Variants in ZNF804A observed in about 807,000 individuals in gnomAD.
ZNF804A encodes zinc finger protein 804A.
ZNF804A carries 2 observed loss-of-function variants against 16.5 expected under a neutral mutation model. The ratio of observed to expected loss-of-function variants is 0.12; its 90% CI spans 0.05 to 0.38. The LOEUF is 0.38. Among genes scored for constraint, ZNF804A ranks in the 10% least tolerant of loss-of-function variants. ZNF804A has a pLI of 0.99. For synonymous variants in ZNF804A, 534 were observed against 489.6 expected (o/e 1.09, Z -1.20); for missense variants, 1,473 against 1,390.7 (o/e 1.06, Z -0.94).
At chr2:184,715,071 G>A (rs1037845391) in intron 1 of ZNF804A, among the ~76,000 whole-genome samples, 1 of 152,124 alleles carries the variant, frequency 6.6e-6, no homozygotes, top group Non-Finnish European at 1.5e-5. Context: ...TGTCCCACGA[G>A]AGTAGCCTAA....
intron 1 of ZNF804A, among the ~76,000 whole-genome samples, chr2:184,701,196 A>G (rs1389606928): frequency 6.6e-6 from 1 of 151,928 alleles, no homozygotes; most frequent in South Asian, 2.1e-4. Context: ...ACTGTGATTC[A>G]ACCCTTCTAA....
At chr2:184,727,209 ATTATAAAATACCACATTAACC>A (rs1334556294) in intron 1 of ZNF804A, among the ~76,000 whole-genome samples, 1 of 151,598 alleles carries the variant, frequency 6.6e-6, no homozygotes, top group African/African-American at 2.4e-5. Flanking sequence ...CATCTTGAGC[ATTATAAAATACCACATTAACC>A]TTTCTCACAG....
At chr2:184,781,985 T>C (rs941854697) in intron 1 of ZNF804A, among the ~76,000 whole-genome samples, 2 of 151,798 alleles carry the variant, frequency 1.3e-5, no homozygotes, top group African/African-American at 4.8e-5. Context: ...GGCCATTTCT[T>C]CTTGTATCTT....
chr2:184,676,708 T>C (rs1692441943), intron 1 of ZNF804A, among the ~76,000 whole-genome samples: 1 of 151,770 alleles, frequency 6.6e-6, no homozygotes, highest in African/African-American at 2.4e-5. Context: ...AGTTATATTT[T>C]AATATGACCA....
At chr2:184,677,451 C>T (rs1324742590) in intron 1 of ZNF804A, among the ~76,000 whole-genome samples, 2 of 151,820 alleles carry the variant, frequency 1.3e-5, no homozygotes, top group Non-Finnish European at 2.9e-5. Flanking sequence ...AGACAGTACA[C>T]GGTCATCTGA....
chr2:184,858,826 C>G lies in ZNF804A; in HGVS notation c.112-7543C>G, dbSNP rs1574244653. ...TACTGGCTTGAAGAACTCCCTTTAT[C>G]CATTTTTGTAAGACAAGTCTAATGA... On this transcript the variant is annotated intron_variant, in intron 1 of 3. Transcript: ENST00000302277. Among the ~76,000 whole-genome samples the G allele has an allele frequency of 2.0e-5, 3 of 152,246 alleles. No homozygotes were observed. In the South Asian group the frequency reaches 6.2e-4, roughly 32 times the overall value.
At chr2:184,920,225 C>T (rs1264078064) in intron 2 of ZNF804A, among the ~76,000 whole-genome samples, 3 of 152,166 alleles carry the variant, frequency 2.0e-5, no homozygotes, top group Non-Finnish European at 4.4e-5. Context: ...GTTTTCTTTT[C>T]CTCTGTCAAA....
At chr2:184,742,977 A>C (rs577139350) in intron 1 of ZNF804A, among the ~76,000 whole-genome samples, 15 of 152,048 alleles carry the variant, frequency 9.9e-5, no homozygotes, top group Non-Finnish European at 1.9e-4. Flanking sequence ...CCAGTCTGTC[A>C]ATATTGAGTT....
chr2:184,855,268 G>A (rs148621104), intron 1 of ZNF804A, among the ~76,000 whole-genome samples: 209 of 152,102 alleles, frequency 1.4e-3, no homozygotes, highest in Non-Finnish European at 2.7e-3. Context: ...CAGTGTTTTC[G>A]GGGAGTGAAT....
chr2:184,611,021 A>G (rs908327470), intron 1 of ZNF804A, among the ~76,000 whole-genome samples: 5 of 152,178 alleles, frequency 3.3e-5, no homozygotes, highest in Admixed American at 6.5e-5. Flanking sequence ...TGGCTTACAT[A>G]CAACAGAAAT....
At chr2:184,741,398 C>T (rs1693706876) in intron 1 of ZNF804A, among the ~76,000 whole-genome samples, 1 of 152,138 alleles carries the variant, frequency 6.6e-6, no homozygotes, top group Admixed American at 6.6e-5. Context: ...TGACTTGAGG[C>T]TTGATATCCA....
chr2:184,665,253 A>G (rs925194788), intron 1 of ZNF804A, among the ~76,000 whole-genome samples: 2 of 152,212 alleles, frequency 1.3e-5, no homozygotes, highest in Admixed American at 6.5e-5. Flanking sequence ...AGCACTAAAG[A>G]TTCAATATTG....
At chr2:184,627,053 A>G (rs1277188504) in intron 1 of ZNF804A, among the ~76,000 whole-genome samples, 1 of 152,196 alleles carries the variant, frequency 6.6e-6, no homozygotes, top group Non-Finnish European at 1.5e-5. Flanking sequence ...AACTACAATG[A>G]ATAAATACAT....
intron 1 of ZNF804A, among the ~76,000 whole-genome samples, chr2:184,650,971 C>A (rs1193189543): frequency 6.6e-6 from 1 of 152,096 alleles, no homozygotes; most frequent in Admixed American, 6.6e-5. Context: ...CAAAAAGAGC[C>A]TGAATAGCCA....
intron 1 of ZNF804A, among the ~76,000 whole-genome samples, chr2:184,620,798 T>C (rs1691405102): frequency 6.6e-6 from 1 of 151,776 alleles, no homozygotes; most frequent in African/African-American, 2.4e-5. Flanking sequence ...AAATGTGTAG[T>C]AATTACTTGA....
At chr2:184,831,870 A>C (rs554993351) in intron 1 of ZNF804A, among the ~76,000 whole-genome samples, 1 of 152,024 alleles carries the variant, frequency 6.6e-6, no homozygotes, top group Admixed American at 6.6e-5. Context: ...GGATAATGCC[A>C]GGAATATAAA....
At position 184,768,247 on chromosome 2, in the gene ZNF804A, G is replaced by T. The variant is rs769041353; in HGVS notation, c.112-98122G>T. Among the ~76,000 whole-genome samples, 76 of 152,142 alleles carry T rather than the reference G, an allele frequency of 5.0e-4. 1 individual carries two copies. The Middle Eastern group carries it at 0.01, about 20-fold the overall frequency. On this transcript the variant is annotated intron_variant, in intron 1 of 3. Transcript: ENST00000302277. ...ATTGGGGGATGTGCATAGAGTGTAT[G>T]CAAATACCATGCCATTTTATATAAG...
intron 1 of ZNF804A, among the ~76,000 whole-genome samples, chr2:184,731,994 C>A (rs1693528163): frequency 6.6e-6 from 1 of 152,072 alleles, no homozygotes; most frequent in Non-Finnish European, 1.5e-5. Flanking sequence ...TTTTCCTAGT[C>A]TTTGAATTGT....
intron 2 of ZNF804A, among the ~76,000 whole-genome samples, chr2:184,881,811 A>G (rs971517906): frequency 3.3e-5 from 5 of 152,094 alleles, no homozygotes; most frequent in African/African-American, 1.2e-4. Context: ...ACATACAGGA[A>G]ACACTATTAT....
Sources: gnomAD v4.1 joint callset for allele counts (sites outside exome capture counted in the v4.1 genomes callset) on GRCh38, gnomAD v4.1.1 for gene constraint, MANE v1.5 for transcripts, NCBI Gene and HGNC (gene_info 2026-07-23, HGNC 2026-07-21) for gene names.